Variants in MAP3K19 observed in about 807,000 individuals in gnomAD.
MAP3K19 encodes the protein mitogen-activated protein kinase kinase kinase 19.
Under a neutral mutation model 114.4 loss-of-function variants are expected in MAP3K19, and 91 were observed. The observed-to-expected ratio is 0.80, with a 90% CI of 0.67 to 0.95. The LOEUF is 0.95. Among genes scored for constraint, MAP3K19 ranks in the 40% least tolerant of loss-of-function variants. The pLI is 0.00. For synonymous variants in MAP3K19, 518 were observed against 530.5 expected (o/e 0.98, Z 0.32); for missense variants, 1,471 against 1,573.2 (o/e 0.94, Z 1.10).
rs377669929 is a variant in MAP3K19 at position 135,011,537 on chromosome 2, A to C, written c.139-6006T>G. On this transcript the variant is annotated intron_variant, in intron 5 of 12. Coordinates refer to ENST00000392915, the MANE Select transcript of MAP3K19 (RefSeq NM_025052.5). ...GGGCGACAGAGCGAGACTCTGTCTC[A>C]AAAAAAAAAAAAAAAAAGTCTTAAA... 6.5e-3 allele frequency among the ~76,000 whole-genome samples: 535 copies of C among 82,876 alleles called. 2 individuals are homozygous for C. The highest frequency in any genetic ancestry group is 0.034 in the African/African-American group (513 of 15,252). 54.4% of individuals were successfully genotyped at this position (82,876 alleles called of 152,430 possible).
At chr2:134,984,497 C>A (rs566541089) in intron 10 of MAP3K19, among the ~76,000 whole-genome samples, 1 of 152,204 alleles carries the variant, frequency 6.6e-6, no homozygotes, top group Non-Finnish European at 1.5e-5. Flanking sequence ...GCAACCAACC[C>A]AGGAAATCAA....
intron 8 of MAP3K19, among the ~76,000 whole-genome samples, chr2:134,992,245 A>G (rs1685635887): frequency 6.6e-6 from 1 of 152,178 alleles, no homozygotes; most frequent in Admixed American, 6.5e-5. Flanking sequence ...TGAACTGTGC[A>G]GAAATGTGAA....
At chr2:134,984,114 C>T (rs1388852556) in intron 10 of MAP3K19, among the ~76,000 whole-genome samples, 2 of 152,180 alleles carry the variant, frequency 1.3e-5, no homozygotes, top group Non-Finnish European at 2.9e-5. Context: ...CAGCTACTAA[C>T]CACTGTCTTT....
In MAP3K19 at chr2:134,987,060, G is replaced by A. The variant is rs543948803; in HGVS notation, c.1812C>T (p.His604=). ...MPQIAKKQST[H]RTQKPKKQSF... ...ATTGCTTTTTAGGTTTCTGAGTCCG[G>A]TGAGTTGATTGCTTCTTTGCTATCT... The change falls in exon 10 of 13, where the codon CAC becomes CAT. Residue 604 remains histidine (H), a synonymous_variant. Coordinates refer to ENST00000392915, the MANE Select transcript of MAP3K19 (RefSeq NM_025052.5). 7.4e-6 allele frequency: 12 copies of A among 1,612,756 alleles called. No homozygotes were observed. The Admixed American group carries it at 1.8e-4, about 25-fold the overall frequency.
chr2:134,978,442 C>G (rs1684398267), intron 12 of MAP3K19, among the ~76,000 whole-genome samples: 2 of 151,936 alleles, frequency 1.3e-5, no homozygotes, highest in South Asian at 2.1e-4. Flanking sequence ...CTTAAGTGAT[C>G]CCCCCACCTC....
Position 135,033,450 on chromosome 2 carries a change from C to A in MAP3K19, c.-283-2950G>T, listed in dbSNP as rs533456367. Among the ~76,000 whole-genome samples, 321 of 115,996 alleles carry A rather than the reference C, an allele frequency of 2.8e-3. 72 individuals are homozygous for A. The highest frequency in any genetic ancestry group is 0.013 in the African/African-American group (301 of 22,930). 76.1% of individuals were successfully genotyped at this position (115,996 alleles called of 152,430 possible). On this transcript the variant is annotated intron_variant, in intron 2 of 12. Transcript: ENST00000392915. ...TCACTTCCCAGTAGGGGCGGTCGGG[C>A]AGAGGCGCCCCCCACCCCCCGGACG...
At chr2:135,023,737 C>T (rs975692449) in intron 4 of MAP3K19, 1 of 366,910 alleles carries the variant, frequency 2.7e-6, no homozygotes, top group East Asian at 7.3e-5. Flanking sequence ...GGACACATTC[C>T]CTAGTTCTTA....
At chr2:135,012,385 T>C (rs1687292809) in intron 5 of MAP3K19, among the ~76,000 whole-genome samples, 1 of 152,128 alleles carries the variant, frequency 6.6e-6, no homozygotes, top group Non-Finnish European at 1.5e-5. Flanking sequence ...AATTCCACTT[T>C]GGTAGGAAGC....
intron 1 of MAP3K19, among the ~76,000 whole-genome samples, chr2:135,045,124 G>A (rs190685577): frequency 2.3e-3 from 343 of 152,218 alleles, no homozygotes; most frequent in African/African-American, 6.0e-3. Context: ...TGGGTCGAAT[G>A]GATTTAATTT....
chr2:135,014,528 A>G (rs993157964), intron 5 of MAP3K19, among the ~76,000 whole-genome samples: 1 of 152,166 alleles, frequency 6.6e-6, no homozygotes, highest in African/African-American at 2.4e-5. Flanking sequence ...TGTGTCAGAT[A>G]TTTGAAGACA....
chr2:134,986,210 T>G lies in MAP3K19; in HGVS notation c.2662A>C (p.Thr888Pro). The G allele has an allele frequency of 6.2e-7, 1 of 1,613,944 alleles. No homozygotes were observed. The highest frequency in any genetic ancestry group is 8.5e-7 in the Non-Finnish European group (1 of 1,179,960). Residue 888 changes from threonine to proline, a missense_variant, in exon 10 of 13, where the codon ACT becomes CCT. Thr to Pro is a conservative substitution (Grantham distance 38). Coordinates refer to ENST00000392915, the MANE Select transcript of MAP3K19 (RefSeq NM_025052.5). ...ACACTATCAAACTCTAGATCATTAG[T>G]TAAAATTCGGCTGGCATTTACTTTA... is the stretch of plus-strand genomic sequence containing the variant. ...LSKVNASRILTNDLEFDSVSD... is the reference protein window; with the variant it reads ...LSKVNASRILPNDLEFDSVSD...
intron 5 of MAP3K19, among the ~76,000 whole-genome samples, chr2:135,017,350 G>C (rs1465894726): frequency 6.6e-6 from 1 of 152,134 alleles, no homozygotes; most frequent in Non-Finnish European, 1.5e-5. Flanking sequence ...AGTATAAACG[G>C]GCTGCTGGCC....
In MAP3K19 at chr2:134,965,057, T is replaced by A. The variant is rs1683243382; in HGVS notation, c.3921-141A>T. On this transcript the variant is annotated intron_variant, in intron 12 of 12. Coordinates refer to ENST00000392915, the MANE Select transcript of MAP3K19 (RefSeq NM_025052.5). ...ACTTGGGTTGAGTCCAGTCTCCAAT[T>A]TTTAGCTGTGTGACCTTAAGCTAAG... 6.7e-6 allele frequency: 4 copies of A among 598,510 alleles called. No homozygotes were observed. The South Asian group carries it at 6.8e-5, about 10-fold the overall frequency. The allele number at this position is 598,510 out of a possible 1,614,324, so 37.1% of individuals were successfully genotyped here. A position where few individuals can be genotyped will look rare whatever the true frequency, so the allele number is the denominator to read the frequency against.
At chr2:134,984,587 C>T (rs891337984) in intron 10 of MAP3K19, among the ~76,000 whole-genome samples, 3 of 152,168 alleles carry the variant, frequency 2.0e-5, no homozygotes, top group African/African-American at 7.2e-5. Context: ...ACTAGTATCT[C>T]TAGCAAACAG....
intron 11 of MAP3K19, 113 bp downstream of exon 11, chr2:134,983,563 A>G: frequency 2.7e-6 from 2 of 727,908 alleles, no homozygotes; most frequent in Admixed American, 3.0e-5. Context: ...AGTTCTAAGT[A>G]AAAGAGTGCT....
chr2:134,986,907 T>A lies in MAP3K19; in HGVS notation c.1965A>T (p.Ser655=), dbSNP rs1685171415. The change falls in exon 10 of 13, where the codon TCA becomes TCT. Residue 655 remains serine, a synonymous_variant. Coordinates refer to ENST00000392915, the MANE Select transcript of MAP3K19 (RefSeq NM_025052.5). ...CATAGATTCCAGGTCCATTAGCAGT[T>A]GAATTGATTTCTTTGAACATATCAC... ...KYSDMFKEIN[S]TANGPGIYEM... is the part of the protein sequence containing the mutation. The A allele has an allele frequency of 6.2e-7, 1 of 1,614,168 alleles. No homozygotes were observed. Among genetic ancestry groups the A allele is most frequent in the East Asian group, 2.2e-5 (1 of 44,880 alleles).
chr2:134,987,818 G>A lies in MAP3K19; in HGVS notation c.1054C>T (p.His352Tyr). Residue 352 changes from histidine (H) to tyrosine (Y), a missense_variant, in exon 10 of 13, where the codon CAT becomes TAT. Coordinates refer to ENST00000392915, the MANE Select transcript of MAP3K19 (RefSeq NM_025052.5). ...TCAGGTTTTCGCGTTTTACTACCAT[G>A]GCAGTCAATATCCTCTTCCCTAACT... Reference protein sequence around the residue: ...PAVREEDIDCHGSKTRKPEEE... With the variant: ...PAVREEDIDCYGSKTRKPEEE... The A allele has an allele frequency of 6.2e-7, 1 of 1,608,452 alleles. No homozygotes were observed. The highest frequency in any genetic ancestry group is 8.5e-7 in the Non-Finnish European group (1 of 1,179,982).
At position 135,005,666 on chromosome 2, in the gene MAP3K19, C is replaced by A. The variant is rs147604733; in HGVS notation, c.139-135G>T. ...TTTAAATTGGATAAAGTATTTAGGA[C>A]TAAAATAATAAGAAAGTATCTGCCC... On this transcript the variant is annotated intron_variant, in intron 5 of 12. Transcript: ENST00000392915. 9.2e-4 allele frequency: 603 copies of A among 658,184 alleles called. 4 individuals carry two copies. In the African/African-American group the frequency reaches 9.7e-3, roughly 11 times the overall value. The allele number at this position is 658,184 out of a possible 1,614,324, so 40.8% of individuals were successfully genotyped here.
In MAP3K19 at chr2:134,986,870, TC is replaced by T; in HGVS notation, c.2001del (p.Thr668ProfsTer56). 1 of 1,614,096 alleles carries T rather than the reference TC, an allele frequency of 6.2e-7. No individual in the cohort carries two copies. The stretch of plus-strand genomic sequence containing the variant: ...TCTCGCACATGACAATAAACAGGGG[TC>T]CCAAACATTTCATAGATTCCAGGTC... ...ANGPGIYEMF[G>X]TPVYCHVRET... On this transcript the variant is annotated frameshift_variant, in exon 10 of 13. Transcript: ENST00000392915. LOFTEE classifies it high-confidence loss of function.
Sources: allele counts gnomAD v4.1 joint callset (sites outside exome capture counted in the v4.1 genomes callset), GRCh38; gene constraint gnomAD v4.1.1; transcripts MANE v1.5; gene names NCBI Gene and HGNC (gene_info 2026-07-23, HGNC 2026-07-21).